PARP16: variants seen among roughly 807,000 people sequenced by gnomAD.
PARP16 encodes the protein protein mono-ADP-ribosyltransferase PARP16.
In PARP16, 31 loss-of-function variants were observed where a neutral mutation model predicts 35.0. The observed-to-expected ratio is 0.88, with a 90% confidence interval of 0.66 to 1.19. PARP16 has a LOEUF of 1.19. Among genes scored for constraint, PARP16 ranks in the 50% most tolerant of loss-of-function variants. The pLI is 0.00. For synonymous variants in PARP16, 162 were observed against 169.5 expected (o/e 0.96, Z 0.34); for missense variants, 424 against 411.2 (o/e 1.03, Z -0.27).
intron 2 of PARP16, among the ~76,000 whole-genome samples, chr15:65,250,229 T>C (rs1183954754): frequency 6.6e-6 from 1 of 150,748 alleles, no homozygotes; most frequent in Admixed American, 6.6e-5. Context: ...GCGATTCTCC[T>C]GTCTCAGCCT....
At chr15:65,269,888 AAATG>A (rs1390140076) in intron 2 of PARP16, among the ~76,000 whole-genome samples, 9 of 152,220 alleles carry the variant, frequency 5.9e-5, no homozygotes, top group Non-Finnish European at 1.2e-4. Context: ...AGGTAAGAAT[AAATG>A]AATGAATAAA....
In PARP16 at chr15:65,236,705, G is replaced by A. The variant is rs988331558; in HGVS notation, c.*98-1882C>T. 5.9e-5 allele frequency among the ~76,000 whole-genome samples: 9 copies of A among 152,346 alleles called. No individual in the cohort carries two copies. In the East Asian group the frequency reaches 1.5e-3, roughly 26 times the overall value. On this transcript the variant is annotated intron_variant and NMD_transcript_variant, in intron 3 of 3. Transcript: ENST00000559805. ...TGTGGGAAGCTGGCTGGGCACGGTG[G>A]CTTATGCCTGTAATCCCAGCACTCT... is the stretch of plus-strand genomic sequence containing the variant.
chr15:65,261,051 C>A (rs771557905), intron 4 of PARP16, 25 bp from the exon 5 acceptor site: 5 of 1,606,106 alleles, frequency 3.1e-6, no homozygotes, highest in Admixed American at 1.7e-5. Context: ...TAAAACACAT[C>A]TTCACTGGGG....
At chr15:65,279,996 C>A (rs2090370283) in intron 1 of PARP16, among the ~76,000 whole-genome samples, 1 of 151,870 alleles carries the variant, frequency 6.6e-6, no homozygotes, top group African/African-American at 2.4e-5. Context: ...TGCTTGAGAC[C>A]AGGAGTTTGT....
intron 5 of PARP16, 52 bp downstream of exon 5, chr15:65,260,833 T>C (rs2089685308): frequency 6.3e-7 from 1 of 1,583,068 alleles, no homozygotes; most frequent in Non-Finnish European, 8.7e-7. Flanking sequence ...CTACAACAAC[T>C]AAGAAAGCCA....
intron 1 of PARP16, chr15:65,285,675 C>T: frequency 5.5e-6 from 1 of 183,118 alleles, no homozygotes. Context: ...TTATATTTTT[C>T]TAGGCAATTC....
At chr15:65,244,428 T>G (rs2089156147) in intron 3 of PARP16, among the ~76,000 whole-genome samples, 1 of 152,120 alleles carries the variant, frequency 6.6e-6, no homozygotes, top group African/African-American at 2.4e-5. Context: ...AAGAGCAAAG[T>G]CACATCTTAC....
At chr15:65,256,690 A>G (rs1042128876), downstream of PARP16, among the ~76,000 whole-genome samples, 2 of 151,954 alleles carry the variant, frequency 1.3e-5, no homozygotes, top group African/African-American at 4.8e-5. Context: ...TACAGGCGTG[A>G]GCCACCGCGC....
In PARP16 at chr15:65,286,372, C is replaced by T; in HGVS notation, c.55G>A (p.Ala19Thr). Residue 19 changes from alanine to threonine, a missense_variant, in exon 1 of 6, where the codon GCC (alanine) becomes ACC (threonine). Coordinates refer to ENST00000649807, the MANE Select transcript of PARP16 (RefSeq NM_001316943.2). ...AREAAGRDML[A>T]ADLRCSLFAS... ...AAGAGGCTGCACCGGAGGTCGGCGG[C>T]CAGCATGTCGCGGCCCGCCGCCTCC... 1.3e-6 allele frequency: 2 copies of T among 1,572,828 alleles called. No homozygotes were observed. Among genetic ancestry groups the T allele is most frequent in the African/African-American group, 1.4e-5 (1 of 72,446 alleles).
intron 1 of PARP16, chr15:65,285,577 C>G (rs765932652): frequency 3.7e-5 from 12 of 328,186 alleles, no homozygotes; most frequent in Non-Finnish European, 7.2e-5. Context: ...TGACAGGTCC[C>G]AAAGATACAT....
intron 2 of PARP16, among the ~76,000 whole-genome samples, chr15:65,267,678 CTTTTTTTTTT>C (rs556058787): frequency 1.3e-4 from 7 of 53,062 alleles, no homozygotes; most frequent in East Asian, 9.3e-4. Flanking sequence ...ATTTTCCTAA[CTTTTTTTTTT>C]TTTTTTTTTT....
At chr15:65,276,043 A>G (rs905363556) in intron 1 of PARP16, among the ~76,000 whole-genome samples, 6 of 152,176 alleles carry the variant, frequency 3.9e-5, no homozygotes, top group Admixed American at 3.3e-4. Context: ...CCTAGCTCCA[A>G]GCTGGACCCA....
intron 1 of PARP16, among the ~76,000 whole-genome samples, chr15:65,278,552 G>T (rs77215163): frequency 6.6e-6 from 1 of 152,132 alleles, no homozygotes; most frequent in Non-Finnish European, 1.5e-5. Context: ...CCTCACAGAG[G>T]AAAGAGAGGA....
At chr15:65,247,951 T>A (rs1184012005) in intron 3 of PARP16, among the ~76,000 whole-genome samples, 1 of 151,954 alleles carries the variant, frequency 6.6e-6, no homozygotes, top group Admixed American at 6.6e-5. Flanking sequence ...ACTACAGGCG[T>A]CCGCCACCAC....
chr15:65,242,295 G>C (rs1382959517), intron 3 of PARP16, among the ~76,000 whole-genome samples: 1 of 152,010 alleles, frequency 6.6e-6, no homozygotes, highest in African/African-American at 2.4e-5. Flanking sequence ...CTTGAAATCA[G>C]GTAGGGCCAG....
In PARP16 at chr15:65,270,957, A is replaced by G. The variant is rs749679039; in HGVS notation, c.290T>C (p.Ile97Thr). The G allele has an allele frequency of 5.0e-6, 8 of 1,614,066 alleles. No homozygotes were observed. The highest frequency in any genetic ancestry group is 6.8e-6 in the Non-Finnish European group (8 of 1,180,000). Residue 97 changes from isoleucine (I) to threonine (T), a missense_variant, in exon 2 of 6, where the codon ATC (isoleucine) becomes ACC (threonine). Ile to Thr is a moderately conservative substitution (Grantham distance 89, BLOSUM62 -1). Coordinates refer to ENST00000649807, the MANE Select transcript of PARP16 (RefSeq NM_001316943.2). ...CACCTCTGCCTTCCCTGCACTGTGG[A>G]TTGTCAGGACCTTTGAGGATAAAAT... ...SWILSSKVLT[I>T]HSAGKAEFEK...
chr15:65,267,765 C>T (rs2089954269), intron 2 of PARP16, among the ~76,000 whole-genome samples: 1 of 135,606 alleles, frequency 7.4e-6, no homozygotes, highest in African/African-American at 2.8e-5. Context: ...CAGCTCACTG[C>T]AACCTCTGCC....
At chr15:65,285,867 G>A (rs2090577075) in intron 1 of PARP16, among the ~76,000 whole-genome samples, 1 of 152,202 alleles carries the variant, frequency 6.6e-6, no homozygotes, top group Admixed American at 6.5e-5. Context: ...CGGCTTTGGT[G>A]ACTTTTTGGT....
chr15:65,239,380 T>C (rs1595978817), intron 3 of PARP16, among the ~76,000 whole-genome samples: 1 of 114,712 alleles, frequency 8.7e-6, no homozygotes, highest in Non-Finnish European at 1.6e-5. Flanking sequence ...TGAGCTGAGA[T>C]CCCACCACTG....
Sources: gnomAD v4.1 joint callset for allele counts (sites outside exome capture counted in the v4.1 genomes callset) on GRCh38, gnomAD v4.1.1 for gene constraint, MANE v1.5 for transcripts, NCBI Gene and HGNC (gene_info 2026-07-23, HGNC 2026-07-21) for gene names.